The following PCF11 variants were observed in gnomAD, a reference collection of about 807,000 sequenced individuals.
PCF11 encodes the protein PCF11 cleavage and polyadenylation factor subunit.
Under a neutral mutation model 166.1 loss-of-function variants are expected in PCF11, and 19 were observed. The ratio of observed to expected loss-of-function variants is 0.11; its 90% CI spans 0.08 to 0.17. The LOEUF (loss-of-function observed/expected upper bound fraction) is 0.17. PCF11 is among the 10% of genes least tolerant of loss of function. PCF11 has a pLI of 1.00. For synonymous variants in PCF11, 663 were observed against 644.1 expected (o/e 1.03, Z -0.44); for missense variants, 1,565 against 1,855.5 (o/e 0.84, Z 2.88).
exon 1 of PCF11, chr11:83,157,285 CT>C: frequency 1.5e-6 from 1 of 655,470 alleles, no homozygotes; most frequent in Non-Finnish European, 2.6e-6. Flanking sequence ...GAGGTTCCCC[CT>C]GTGTCGTCCC....
intron 2 of PCF11, among the ~76,000 whole-genome samples, chr11:83,162,406 A>G (rs1860291283): frequency 6.6e-6 from 1 of 152,260 alleles, no homozygotes; most frequent in Non-Finnish European, 1.5e-5. Flanking sequence ...TTAAGTTCTT[A>G]GAGAAAAACA....
intron 8 of PCF11, among the ~76,000 whole-genome samples, 199 bp from the exon 9 acceptor site, chr11:83,171,619 G>A (rs2135432031): frequency 6.6e-6 from 1 of 152,260 alleles, no homozygotes; most frequent in East Asian, 1.9e-4. Flanking sequence ...ATACCTCTAT[G>A]AAACAGATAA....
At chr11:83,174,639 A>G (rs1457284994) in intron 9 of PCF11, among the ~76,000 whole-genome samples, 2 of 152,086 alleles carry the variant, frequency 1.3e-5, no homozygotes, top group Admixed American at 6.5e-5. Context: ...CCTCATATCA[A>G]TCTTAGGTAG....
intron 2 of PCF11, 52 bp downstream of exon 2, chr11:83,161,504 G>T (rs1860252239): frequency 7.4e-7 from 1 of 1,352,608 alleles, no homozygotes; most frequent in South Asian, 1.4e-5. Flanking sequence ...ATGTGTTCCT[G>T]ATTAAATAAA....
chr11:83,181,268 T>A, intron 12 of PCF11, 77 bp downstream of exon 12: 1 of 457,000 alleles, frequency 2.2e-6, no homozygotes, highest in Non-Finnish European at 3.4e-6. Flanking sequence ...ATTTTAATAA[T>A]TATTAAAATT....
exon 11 of PCF11, chr11:83,177,760 T>C: frequency 6.5e-7 from 1 of 1,545,198 alleles, no homozygotes; most frequent in Non-Finnish European, 8.8e-7. Context: ...AGGAGGAAGA[T>C]CAAAATGAAG....
chr11:83,161,278 A>G lies in PCF11; in HGVS notation c.193-49A>G, dbSNP rs775282321. The G allele has an allele frequency of 3.4e-6, 5 of 1,469,014 alleles. No individual in the cohort carries two copies. The Admixed American group carries it at 1.1e-4, about 33-fold the overall frequency. 91.0% of individuals were successfully genotyped at this position (1,469,014 alleles called of 1,614,324 possible). ...TTTAAAAACTCATTTTTAAATAATTATTTGGTGGTAATTCATTATACTAAA... is the reference window on the plus strand; with the variant it reads ...TTTAAAAACTCATTTTTAAATAATTGTTTGGTGGTAATTCATTATACTAAA... On this transcript the variant is annotated intron_variant, in intron 1 of 15. Transcript: ENST00000298281.
intron 11 of PCF11, among the ~76,000 whole-genome samples, chr11:83,179,250 C>T (rs1208720347): frequency 1.3e-5 from 2 of 151,482 alleles, no homozygotes; most frequent in African/African-American, 4.8e-5. Context: ...CCATTTACCT[C>T]TTTTTCCTTT....
At chr11:83,165,771 G>C in exon 5 of PCF11, 2 of 1,613,076 alleles carry the variant, frequency 1.2e-6, no homozygotes, top group Non-Finnish European at 8.5e-7. Flanking sequence ...GGATTTAAAA[G>C]GAACTAACCG....
chr11:83,172,460 T>A (rs1445035525), intron 9 of PCF11, among the ~76,000 whole-genome samples: 2 of 152,180 alleles, frequency 1.3e-5, no homozygotes, highest in East Asian at 3.8e-4. Flanking sequence ...TCTTGCTCTC[T>A]TACCCAGTCT....
chr11:83,163,996 A>G, intron 3 of PCF11, 129 bp downstream of exon 3: 1 of 590,588 alleles, frequency 1.7e-6, no homozygotes, highest in Non-Finnish European at 2.9e-6. Flanking sequence ...GAAAAAAAAA[A>G]AAATAGTGTG....
chr11:83,168,135 C>T (rs151204156), intron 7 of PCF11, among the ~76,000 whole-genome samples: 140 of 152,220 alleles, frequency 9.2e-4, no homozygotes, highest in South Asian at 7.9e-3. Context: ...ATTTAATCCT[C>T]ACAACAATAC....
exon 8 of PCF11, chr11:83,168,479 G>A (rs1178651877): frequency 1.2e-6 from 2 of 1,612,474 alleles, no homozygotes; most frequent in East Asian, 2.2e-5. Context: ...CCACTTAAGC[G>A]ACCTCGATAT....
rs190182816 is a variant in PCF11, at chr11:83,171,161, A to G, written c.3661-657A>G. 2.5e-4 allele frequency: 93 copies of G among 366,974 alleles called. No individual in the cohort carries two copies. The East Asian group carries it at 5.9e-3, about 23-fold the overall frequency. 22.7% of individuals were successfully genotyped at this position (366,974 alleles called of 1,614,324 possible). ...GCAAATGCTGTATTTGTATGCCAGT[A>G]TAGTTCTTGCTCCATGACTATTCTG... is the stretch of plus-strand genomic sequence containing the variant. On this transcript the variant is annotated intron_variant, in intron 8 of 15. Transcript: ENST00000298281.
At chr11:83,186,397 G>A (rs540344359) in exon 16 of PCF11, 1 of 152,338 alleles carries the variant, frequency 6.6e-6, no homozygotes, top group South Asian at 2.1e-4. Context: ...AATAGATTAT[G>A]ATGAGCCATT....
chr11:83,173,263 T>C (rs1590932260), intron 9 of PCF11, among the ~76,000 whole-genome samples: 1 of 152,196 alleles, frequency 6.6e-6, no homozygotes, highest in African/African-American at 2.4e-5. Flanking sequence ...GAGACCATCC[T>C]GGCCAACATG....
chr11:83,178,768 A>G (rs914079110), intron 11 of PCF11, among the ~76,000 whole-genome samples: 6 of 151,682 alleles, frequency 4.0e-5, no homozygotes, highest in African/African-American at 1.5e-4. Context: ...AGCCGAGATA[A>G]CGCCACTGCA....
chr11:83,167,404 C>T lies in PCF11; in HGVS notation c.2002-11C>T, dbSNP rs1239313048. On this transcript the variant is annotated splice_polypyrimidine_tract_variant and intron_variant, in intron 6 of 15. Coordinates refer to ENST00000298281, the Ensembl canonical transcript of PCF11. The surrounding 1 kb of genome is among the most constrained non-coding windows in gnomAD (Gnocchi z 4.2). ...TAAAATATTTTATTTCCTTTTATCA[C>T]CCCTATACAGACGAGTGAACGTTTA... 1 of 1,583,408 alleles carries T rather than the reference C, an allele frequency of 6.3e-7. No homozygotes were observed. Among genetic ancestry groups the T allele is most frequent in the Non-Finnish European group, 8.6e-7 (1 of 1,168,224 alleles).
chr11:83,166,141 A>G, exon 5 of PCF11: 1 of 1,610,672 alleles, frequency 6.2e-7, no homozygotes, highest in Non-Finnish European at 8.5e-7. Flanking sequence ...ACCGATGGCA[A>G]AGATGATGAT....
Sources: gnomAD v4.1 joint callset for allele counts (sites outside exome capture counted in the v4.1 genomes callset) on GRCh38, gnomAD v4.1.1 for gene constraint, Gnocchi (gnomAD v3.1) non-coding constraint, MANE v1.5 for transcripts, NCBI Gene and HGNC (gene_info 2026-07-23, HGNC 2026-07-21) for gene names.